CDKL1: variants seen among roughly 807,000 people sequenced by gnomAD.
CDKL1 encodes the protein cyclin-dependent kinase-like 1.
Under a neutral mutation model 42.0 loss-of-function variants are expected in CDKL1, and 41 were observed. The observed-to-expected ratio is 0.98, with a 90% CI of 0.76 to 1.27. The LOEUF is 1.27. Among genes scored for constraint, CDKL1 ranks in the 50% most tolerant of loss-of-function variants. The probability of loss-of-function intolerance (pLI) is 0.00; values close to 1 mark genes in which losing one functional copy is unlikely to be tolerated. For missense variants in CDKL1, 394 were observed against 428.4 expected (o/e 0.92, Z 0.71); for synonymous variants, 153 against 158.6 (o/e 0.96, Z 0.26).
At position 50,359,104 on chromosome 14, in the gene CDKL1, T is replaced by G. The variant is rs1229568105; in HGVS notation, c.214A>C (p.Arg72=). 1 of 1,613,010 alleles carries G rather than the reference T, an allele frequency of 6.2e-7. No individual in the cohort carries two copies. Among genetic ancestry groups the G allele is most frequent in the South Asian group, 1.1e-5 (1 of 91,026 alleles). ...NLVNLLEVFR[R]KRRLHLVFEY... Reference sequence around the variant, plus strand: ...AACACCAGGTGAAGCCTCCGTTTCCTCCTGAAGACTTCCAGGAGGTTAACA... The same window carrying G: ...AACACCAGGTGAAGCCTCCGTTTCCGCCTGAAGACTTCCAGGAGGTTAACA... The change falls in exon 3 of 10, where the codon AGG becomes CGG. Residue 72 remains arginine, a synonymous_variant. Coordinates refer to ENST00000395834, the MANE Select transcript of CDKL1 (RefSeq NM_004196.7).
At chr14:50,374,865 G>C (rs1327305459) in intron 2 of CDKL1, among the ~76,000 whole-genome samples, 1 of 152,102 alleles carries the variant, frequency 6.6e-6, no homozygotes, top group Admixed American at 6.5e-5. Context: ...GGGATCCATG[G>C]AGAAATACTC....
intron 7 of CDKL1, among the ~76,000 whole-genome samples, 171 bp downstream of exon 7, chr14:50,338,776 C>T (rs1207610111): frequency 6.6e-6 from 1 of 152,186 alleles, no homozygotes; most frequent in Non-Finnish European, 1.5e-5. Flanking sequence ...TTATCAGCAG[C>T]CTCTAAATGA....
At chr14:50,363,198 C>G (rs1410942988) in intron 2 of CDKL1, 4 of 220,746 alleles carry the variant, frequency 1.8e-5, no homozygotes, top group Non-Finnish European at 3.9e-5. Context: ...GGACACGCCG[C>G]CTTTAAGAAG....
At chr14:50,344,032 T>A (rs1294031475) in intron 4 of CDKL1, among the ~76,000 whole-genome samples, 1 of 152,202 alleles carries the variant, frequency 6.6e-6, no homozygotes, top group African/African-American at 2.4e-5. Flanking sequence ...AACATTGCAG[T>A]GAAATTGCAC....
chr14:50,374,609 A>G (rs575892657), intron 2 of CDKL1, among the ~76,000 whole-genome samples: 2 of 152,364 alleles, frequency 1.3e-5, no homozygotes, highest in East Asian at 3.9e-4. Context: ...AGCTAATCCC[A>G]TCTCATTTGT....
chr14:50,375,982 C>T (rs1016591772), intron 2 of CDKL1, among the ~76,000 whole-genome samples: 3 of 152,150 alleles, frequency 2.0e-5, no homozygotes, highest in African/African-American at 7.2e-5. Context: ...AACATGTAAA[C>T]TCTGAGAAAC....
intron 2 of CDKL1, among the ~76,000 whole-genome samples, chr14:50,373,050 AG>A (rs1484715260): frequency 3.3e-5 from 5 of 152,208 alleles, no homozygotes; most frequent in African/African-American, 9.6e-5. Context: ...ATATTAGCAT[AG>A]TTTTTTCTAT....
intron 2 of CDKL1, among the ~76,000 whole-genome samples, chr14:50,370,505 C>T (rs1278113947): frequency 6.6e-6 from 1 of 152,266 alleles, no homozygotes; most frequent in Non-Finnish European, 1.5e-5. Flanking sequence ...CCATTCTCCT[C>T]ATCCCCTAGC....
upstream of CDKL1, chr14:50,397,149 G>GAGCAAGACGCCTGCGC (rs2035439526): frequency 2.9e-6 from 4 of 1,366,164 alleles, no homozygotes; most frequent in South Asian, 2.3e-5. Context: ...CGCGTCTGCG[G>GAGCAAGACGCCTGCGC]AGCAAGACGC....
chr14:50,351,455 C>T lies in CDKL1; in HGVS notation c.291-6397G>A, dbSNP rs75401862. ...GCTATTAAAATGAGTTGGGGTGGGG[C>T]GCAGTGAGTGGCTCATGCCTGTAAT... On this transcript the variant is annotated intron_variant, in intron 3 of 9. Coordinates refer to ENST00000395834, the MANE Select transcript of CDKL1 (RefSeq NM_004196.7). Among the ~76,000 whole-genome samples the T allele has an allele frequency of 7.3e-3, 1,108 of 152,056 alleles. 6 individuals are homozygous for T. Among genetic ancestry groups the T allele is most frequent in the African/African-American group, 0.025 (1,032 of 41,476 alleles).
At chr14:50,334,989 T>G (rs896012207) in intron 7 of CDKL1, 3 of 204,578 alleles carry the variant, frequency 1.5e-5, no homozygotes, top group Admixed American at 5.7e-5. Context: ...ATTTTTGGCA[T>G]TTATAGTGTG....
chr14:50,390,418 CAG>C, intron 2 of CDKL1: 1 of 1,329,052 alleles, frequency 7.5e-7, no homozygotes, highest in Middle Eastern at 2.1e-4. Context: ...TTTCATTCCA[CAG>C]AGAGAAGGTT....
chr14:50,391,158 T>A (rs2035246984), intron 2 of CDKL1, among the ~76,000 whole-genome samples: 1 of 152,120 alleles, frequency 6.6e-6, no homozygotes, highest in Admixed American at 6.5e-5. Context: ...TAACGTGATT[T>A]TCTTCCTGTT....
In CDKL1 at chr14:50,396,308, A is replaced by G; in HGVS notation, c.-440T>C. The G allele has an allele frequency of 9.9e-7, 1 of 1,008,766 alleles. No homozygotes were observed. The highest frequency in any genetic ancestry group is 5.0e-4 in the Middle Eastern group (1 of 1,982). The allele number at this position is 1,008,766 out of a possible 1,614,324, so 62.5% of individuals were successfully genotyped here. A position where few individuals can be genotyped will look rare whatever the true frequency, so the allele number is the denominator to read the frequency against. On this transcript the variant is annotated 5_prime_UTR_variant, in exon 2 of 10. Coordinates refer to ENST00000395834, the MANE Select transcript of CDKL1 (RefSeq NM_004196.7). Reference sequence around the variant, plus strand: ...ACGGACTGCACTAGAGCCCCACCCAACGATGAGTGTTTGTCACGGTCCTAG... The same window carrying G: ...ACGGACTGCACTAGAGCCCCACCCAGCGATGAGTGTTTGTCACGGTCCTAG...
intron 2 of CDKL1, among the ~76,000 whole-genome samples, chr14:50,373,476 G>T (rs2034643293): frequency 6.6e-6 from 1 of 152,194 alleles, no homozygotes; most frequent in African/African-American, 2.4e-5. Context: ...ATCCAGTGCT[G>T]ACAAGGGCAT....
chr14:50,339,827 C>G (rs941743578), intron 6 of CDKL1, among the ~76,000 whole-genome samples: 17 of 152,222 alleles, frequency 1.1e-4, no homozygotes, highest in Middle Eastern at 3.4e-3. Context: ...GGATTTTGTT[C>G]AGAGAATATA....
intron 2 of CDKL1, among the ~76,000 whole-genome samples, chr14:50,372,663 A>C (rs539744148): frequency 2.0e-5 from 3 of 152,296 alleles, no homozygotes; most frequent in African/African-American, 7.2e-5. Flanking sequence ...TTCTTCTAGA[A>C]GTTTTACAGT....
At chr14:50,364,257 T>C (rs749235909) in intron 2 of CDKL1, among the ~76,000 whole-genome samples, 2 of 152,140 alleles carry the variant, frequency 1.3e-5, no homozygotes, top group Non-Finnish European at 2.9e-5. Flanking sequence ...ATGCCTGAGT[T>C]TAGGAGTTCA....
chr14:50,380,802 C>CTTTGTTTTTTTTTTTTTTTTTTTT lies in CDKL1; in HGVS notation c.168+14898_168+14899insAAAAAAAAAAAAAAAAAAAACAAA, dbSNP rs368170212. Among the ~76,000 whole-genome samples the CTTTGTTTTTTTTTTTTTTTTTTTT allele has an allele frequency of 2.2e-5, 3 of 134,604 alleles. 1 individual carries two copies. Among genetic ancestry groups the CTTTGTTTTTTTTTTTTTTTTTTTT allele is most frequent in the Non-Finnish European group, 1.6e-5 (1 of 62,176 alleles). 88.3% of individuals were successfully genotyped at this position (134,604 alleles called of 152,430 possible). A position where few individuals can be genotyped will look rare whatever the true frequency, so the allele number is the denominator to read the frequency against. On this transcript the variant is annotated intron_variant, in intron 2 of 9. Coordinates refer to ENST00000395834, the MANE Select transcript of CDKL1 (RefSeq NM_004196.7). ...ATGGCCTGGGGCATGCTGTGACTTCCTTTTTTTTTTGGGACAGAGCCTTGT... is the reference window on the plus strand; with the variant it reads ...ATGGCCTGGGGCATGCTGTGACTTCCTTTGTTTTTTTTTTTTTTTTTTTTTTTTTTTTTTGGGACAGAGCCTTGT...
Sources: allele counts gnomAD v4.1 joint callset (sites outside exome capture counted in the v4.1 genomes callset), GRCh38; gene constraint gnomAD v4.1.1; transcripts MANE v1.5; gene names NCBI Gene and HGNC (gene_info 2026-07-23, HGNC 2026-07-21).